Variants in PCNX3 observed in about 807,000 individuals in gnomAD.
PCNX3 encodes pecanex 3.
PCNX3 carries 58 observed loss-of-function variants against 207.2 expected under a neutral mutation model. The ratio of observed to expected loss-of-function variants is 0.28; its 90% CI spans 0.23 to 0.35. The LOEUF (loss-of-function observed/expected upper bound fraction) is 0.35, where lower values mean the gene tolerates loss of function less well. Ranked by LOEUF, PCNX3 falls within the 10% of genes least tolerant of loss-of-function variation. The pLI is 1.00. For synonymous variants in PCNX3, 1,337 were observed against 1,183.5 expected (o/e 1.13, Z -2.66); for missense variants, 2,410 against 2,774.4 (o/e 0.87, Z 2.95).
At position 65,616,827 on chromosome 11, in the gene PCNX3, C is replaced by T. The variant is rs756309025; in HGVS notation, c.157C>T (p.Leu53=). 2 of 1,610,300 alleles carry T rather than the reference C, an allele frequency of 1.2e-6. No homozygotes were observed. The highest frequency in any genetic ancestry group is 1.7e-6 in the Non-Finnish European group (2 of 1,177,110). Residue 53 remains leucine, a synonymous_variant, in exon 2 of 35, where the codon CTG becomes TTG. Coordinates refer to ENST00000355703, the MANE Select transcript of PCNX3 (RefSeq NM_032223.4). ...CCTGGCTTACTTTCATCTTCAGGTC[C>T]TGCCTCCCAGCTTGATGGTGGCCGG... ...LIFPFLLYMV[L]PPSLMVAGVY...
In PCNX3 at chr11:65,635,282, A is replaced by T; in HGVS notation, c.5018A>T (p.Asn1673Ile). Reference protein sequence around the residue: ...PAALYDAIAANEERLVISHEG... With the variant: ...PAALYDAIAAIEERLVISHEG... ...GCCCTATACGATGCCATTGCGGCCA[A>T]CGAGGAGCGGCTGGTCATCTCACAT... The change falls in exon 31 of 35, where the codon AAC becomes ATC. Residue 1673 changes from asparagine to isoleucine, a missense_variant. Physicochemically the swap from Asn to Ile is moderately radical, Grantham distance 149. This residue lies in a region of PCNX3 where 420 missense variants were observed against 705.3 expected (regional missense o/e 0.60). Coordinates refer to ENST00000355703, the MANE Select transcript of PCNX3 (RefSeq NM_032223.4). This position sits in a 1 kb window ranked among gnomAD's most constrained non-coding sequence, Gnocchi z 9.9. The T allele has an allele frequency of 3.1e-6, 5 of 1,592,854 alleles. No homozygotes were observed. The highest frequency in any genetic ancestry group is 4.3e-6 in the Non-Finnish European group (5 of 1,170,214).
In PCNX3 at chr11:65,636,558, C is replaced by T. The variant is rs1450820699; in HGVS notation, c.5761C>T (p.Pro1921Ser). The change falls in exon 34 of 35, where the codon CCC becomes TCC. Residue 1921 changes from proline (P) to serine (S), a missense_variant. By Grantham distance (74) the Pro-to-Ser change is moderately conservative (BLOSUM62 -1). Transcript: ENST00000355703. Reference protein sequence around the residue: ...IPTEGPRTSRPPGPGLLSSEG... With the variant: ...IPTEGPRTSRSPGPGLLSSEG... ...CACAGAGGGTCCCCGGACCTCACGGCCCCCTGGCCCGGGTCTCCTCAGTTC... is the reference window on the plus strand; with the variant it reads ...CACAGAGGGTCCCCGGACCTCACGGTCCCCTGGCCCGGGTCTCCTCAGTTC... The T allele has an allele frequency of 1.9e-6, 3 of 1,594,192 alleles. No homozygotes were observed. Among genetic ancestry groups the T allele is most frequent in the Non-Finnish European group, 2.6e-6 (3 of 1,171,788 alleles).
chr11:65,634,789 C>T, intron 29 of PCNX3, 148 bp downstream of exon 29: 1 of 1,194,406 alleles, frequency 8.4e-7, no homozygotes, highest in Non-Finnish European at 1.2e-6. Context: ...CAGGGCACTT[C>T]CTGGTCATGA....
intron 10 of PCNX3, 81 bp from the exon 11 acceptor site, chr11:65,622,163 TG>T: frequency 4.9e-6 from 7 of 1,424,352 alleles, no homozygotes; most frequent in Non-Finnish European, 3.8e-6. Context: ...GTAGACCATG[TG>T]GGGGGTGGCG....
intron 27 of PCNX3, 145 bp downstream of exon 27, chr11:65,630,749 G>A: frequency 4.1e-6 from 5 of 1,229,176 alleles, no homozygotes; most frequent in Non-Finnish European, 3.3e-6. Flanking sequence ...AGTGTCCCCT[G>A]AGGTGCCACT....
Position 65,630,367 on chromosome 11 carries a change from G to A in PCNX3, c.4233G>A (p.Gln1411=), listed in dbSNP as rs747688188. Reference sequence around the variant, plus strand: ...CCTCCACAGGCACTTACTGCCAGCAGCGCGAGGTGGAGGCTATCACCGAGG... The same window carrying A: ...CCTCCACAGGCACTTACTGCCAGCAACGCGAGGTGGAGGCTATCACCGAGG... The part of the protein sequence containing the change: ...GLEFRGTYCQ[Q]REVEAITEGV... The change falls in exon 27 of 35, where the codon CAG becomes CAA. Residue 1411 remains glutamine, a synonymous_variant. Transcript: ENST00000355703. The A allele has an allele frequency of 1.9e-5, 31 of 1,613,106 alleles. No homozygotes were observed. The Admixed American group carries it at 5.0e-4, about 26-fold the overall frequency.
chr11:65,637,242 G>A lies in PCNX3; in HGVS notation c.*264G>A, dbSNP rs957074772. 2 of 519,720 alleles carry A rather than the reference G, an allele frequency of 3.8e-6. No homozygotes were observed. The highest frequency in any genetic ancestry group is 3.8e-5 in the African/African-American group (2 of 52,490). 32.2% of individuals were successfully genotyped at this position (519,720 alleles called of 1,614,324 possible). On this transcript the variant is annotated 3_prime_UTR_variant, in exon 35 of 35. Coordinates refer to ENST00000355703, the MANE Select transcript of PCNX3 (RefSeq NM_032223.4). The stretch of plus-strand genomic sequence containing the variant: ...GGCCCTAAGAGCCAAACCATGGGCT[G>A]GTCCCACTTGGAGCCTGTGGCCAGG...
At chr11:65,617,417 C>T (rs376939183) in intron 3 of PCNX3, 53 bp from the exon 4 acceptor site, 222 of 1,613,646 alleles carry the variant, frequency 1.4e-4, no homozygotes, top group Non-Finnish European at 1.7e-4. Flanking sequence ...GTGGGTGCAT[C>T]CTGAGCCTAC....
In PCNX3 at chr11:65,617,000, C is replaced by T; in HGVS notation, c.330C>T (p.Ser110=). 6.2e-7 allele frequency: 1 copy of T among 1,609,258 alleles called. No individual in the cohort carries two copies. The highest frequency in any genetic ancestry group is 8.5e-7 in the Non-Finnish European group (1 of 1,178,198). ...ELEEEPAQGD[S]NPPRDPGVEM... is the part of the protein sequence containing the mutation. ...AGGAAGAGCCTGCCCAGGGGGACAGCAATCCACCCAGGTGGGTGGGGTAGG... is the reference window on the plus strand; with the variant it reads ...AGGAAGAGCCTGCCCAGGGGGACAGTAATCCACCCAGGTGGGTGGGGTAGG... Residue 110 remains serine (S), a synonymous_variant, in exon 2 of 35, where the codon AGC becomes AGT. Coordinates refer to ENST00000355703, the MANE Select transcript of PCNX3 (RefSeq NM_032223.4).
Position 65,627,351 on chromosome 11 carries a change from T to C in PCNX3, c.3525-54T>C, listed in dbSNP as rs982340360. On this transcript the variant is annotated intron_variant, in intron 21 of 34. Coordinates refer to ENST00000355703, the MANE Select transcript of PCNX3 (RefSeq NM_032223.4). ...GAGTAGGCGAGGGATGGGACACCTA[T>C]ACCCACTGCCCCGGTCCCCTACCAA... The C allele has an allele frequency of 3.2e-6, 5 of 1,564,546 alleles. No individual in the cohort carries two copies. The African/African-American group carries it at 6.7e-5, about 21-fold the overall frequency.
intron 11 of PCNX3, 147 bp from the exon 12 acceptor site, chr11:65,623,344 A>G (rs1254754793): frequency 3.0e-6 from 3 of 1,009,252 alleles, no homozygotes; most frequent in African/African-American, 3.4e-5. Flanking sequence ...GTCGTCGCAA[A>G]GTTATAGGTG....
intron 27 of PCNX3, 155 bp from the exon 28 acceptor site, chr11:65,633,971 T>G: frequency 2.9e-6 from 2 of 699,996 alleles, no homozygotes; most frequent in Non-Finnish European, 2.3e-6. Flanking sequence ...CCAACTTGCT[T>G]GGTTGCTCTT....
At chr11:65,626,788 TC>T (rs1053874852) in intron 20 of PCNX3, 115 bp from the exon 21 acceptor site, 8 of 1,451,994 alleles carry the variant, frequency 5.5e-6, no homozygotes, top group Admixed American at 2.2e-5. Flanking sequence ...GATCAGCCCC[TC>T]CCCCCAGGGT....
chr11:65,634,784 C>T, intron 29 of PCNX3, 143 bp downstream of exon 29: 1 of 1,176,084 alleles, frequency 8.5e-7, no homozygotes. Flanking sequence ...ACGGGCAGGG[C>T]ACTTCCTGGT....
chr11:65,617,429 T>G (rs1272381737), intron 3 of PCNX3, 41 bp from the exon 4 acceptor site: 1 of 1,613,884 alleles, frequency 6.2e-7, no homozygotes, highest in Admixed American at 1.7e-5. Flanking sequence ...TGAGCCTACT[T>G]CTTGCCTTGT....
chr11:65,627,136 A>G (rs2135453368), intron 21 of PCNX3, 88 bp downstream of exon 21: 4 of 1,429,006 alleles, frequency 2.8e-6, no homozygotes, highest in East Asian at 2.5e-5. Context: ...GGAATGAATC[A>G]TGTCTAAGGT....
In PCNX3 at chr11:65,636,843, T is replaced by G. The variant is rs1174073223; in HGVS notation, c.5970T>G (p.Ala1990=). ...DVSTEASPPR[A]SQDIPCLDSS... ...GCACTGAGGCCTCACCCCCCAGAGC[T>G]TCCCAGGACATTCCTTGCTTGGACA... Residue 1990 remains alanine (A), a synonymous_variant, in exon 35 of 35, where the codon GCT becomes GCG. Transcript: ENST00000355703. The G allele has an allele frequency of 6.5e-7, 1 of 1,546,726 alleles. No homozygotes were observed. The highest frequency in any genetic ancestry group is 8.7e-7 in the Non-Finnish European group (1 of 1,145,298).
Position 65,625,673 on chromosome 11 carries a change from C to G in PCNX3, c.3157C>G (p.Leu1053Val). The G allele has an allele frequency of 6.2e-7, 1 of 1,613,100 alleles. No homozygotes were observed. The highest frequency in any genetic ancestry group is 8.5e-7 in the Non-Finnish European group (1 of 1,179,810). ...QSVREVLHSD[L>V]VMCVVIAVLT... is the part of the protein sequence containing the mutation. ...GCAGCGTGAGGTCTTGCACTCCGAC[C>G]TGGTGATGTGTGTGGTGATCGCCGT... The change falls in exon 19 of 35, where the codon CTG (leucine) becomes GTG (valine). Residue 1053 changes from leucine (L) to valine (V), a missense_variant. Physicochemically the swap from Leu to Val is conservative, Grantham distance 32. Around this residue, in one of 8 missense-constraint regions of PCNX3, gnomAD observed 333 missense variants for 386.8 expected, o/e 0.86. Transcript: ENST00000355703. This position sits in a 1 kb window ranked among gnomAD's most constrained non-coding sequence, Gnocchi z 5.6.
intron 11 of PCNX3, 139 bp downstream of exon 11, chr11:65,622,505 T>C (rs946733092): frequency 1.5e-5 from 17 of 1,123,936 alleles, no homozygotes; most frequent in Admixed American, 2.8e-5. Flanking sequence ...TTGGCTGGAG[T>C]CTGCAGTGGT....
Sources: allele counts gnomAD v4.1 joint callset, GRCh38; gene constraint gnomAD v4.1.1; regional missense constraint gnomAD v4.1.1; non-coding constraint Gnocchi (gnomAD v3.1); transcripts MANE v1.5; gene names NCBI Gene and HGNC (gene_info 2026-07-23, HGNC 2026-07-21).